NALCN: variants seen among roughly 807,000 people sequenced by gnomAD.
The protein encoded by NALCN is sodium leak channel, non-selective.
In NALCN, 111 loss-of-function variants were observed where a neutral mutation model predicts 225.3. The ratio of observed to expected loss-of-function variants is 0.49; its 90% confidence interval spans 0.42 to 0.58. NALCN has a LOEUF of 0.58. Among genes scored for constraint, NALCN ranks in the 20% least tolerant of loss-of-function variants. The pLI is 0.00. For synonymous variants in NALCN, 764 were observed against 769.0 expected (o/e 0.99, Z 0.11); for missense variants, 1,378 against 2,202.4 (o/e 0.63, Z 7.49).
rs187875775 is a variant in NALCN at position 101,071,367 on chromosome 13, C to G, written c.4197+2217G>C. 3.8e-3 allele frequency among the ~76,000 whole-genome samples: 576 copies of G among 152,336 alleles called. 3 individuals are homozygous for G. The highest frequency in any genetic ancestry group is 5.0e-3 in the Non-Finnish European group (343 of 68,032). On this transcript the variant is annotated intron_variant, in intron 37 of 43. Transcript: ENST00000251127. ...TTCCAATAGAAGGCTGTTTTGTCTA[C>G]ATTGAAAATCCATTGTTTAGTGTAG...
chr13:101,126,190 C>A (rs548388736), intron 17 of NALCN, among the ~76,000 whole-genome samples: 18 of 152,268 alleles, frequency 1.2e-4, no homozygotes, highest in African/African-American at 3.4e-4. Flanking sequence ...TCAAAACTAG[C>A]AATCCACTTT....
intron 13 of NALCN, among the ~76,000 whole-genome samples, chr13:101,214,409 C>T (rs1180338098): frequency 4.6e-5 from 7 of 151,982 alleles, no homozygotes; most frequent in African/African-American, 1.5e-4. Context: ...CAAACCTGCA[C>T]GTTATGCACA....
chr13:101,386,521 A>G (rs1186723489), intron 3 of NALCN, among the ~76,000 whole-genome samples: 2 of 152,170 alleles, frequency 1.3e-5, no homozygotes, highest in African/African-American at 4.8e-5. Context: ...GGGTTTAAGA[A>G]TATAACTCAT....
intron 17 of NALCN, among the ~76,000 whole-genome samples, chr13:101,130,666 T>C (rs763296782): frequency 6.6e-6 from 1 of 152,206 alleles, no homozygotes; most frequent in Non-Finnish European, 1.5e-5. Flanking sequence ...CCTATATATG[T>C]TACTCTATTT....
At chr13:101,220,050 C>T (rs574644103) in intron 13 of NALCN, among the ~76,000 whole-genome samples, 3 of 152,306 alleles carry the variant, frequency 2.0e-5, no homozygotes, top group East Asian at 3.9e-4. Flanking sequence ...CCTCCCCAAG[C>T]CTCCCATGTG....
At chr13:101,330,294 G>A (rs1250122939) in intron 7 of NALCN, among the ~76,000 whole-genome samples, 1 of 152,156 alleles carries the variant, frequency 6.6e-6, no homozygotes, top group African/African-American at 2.4e-5. Flanking sequence ...AGAGCTGTGA[G>A]CAGCAGCTGA....
At chr13:101,164,908 A>C (rs1424776646) in intron 15 of NALCN, among the ~76,000 whole-genome samples, 2 of 152,212 alleles carry the variant, frequency 1.3e-5, no homozygotes, top group African/African-American at 4.8e-5. Context: ...ATCTCTGACC[A>C]AAAGATTGAA....
chr13:101,055,652 G>A (rs903639768), intron 43 of NALCN, among the ~76,000 whole-genome samples, 164 bp from the exon 44 acceptor site: 2 of 151,742 alleles, frequency 1.3e-5, no homozygotes, highest in Non-Finnish European at 2.9e-5. Context: ...TTATGTTCAC[G>A]ATAGATTTTT....
intron 17 of NALCN, among the ~76,000 whole-genome samples, chr13:101,139,618 C>T (rs149395223): frequency 0.011 from 1,609 of 150,576 alleles, 19 homozygotes; most frequent in South Asian, 0.051. Flanking sequence ...TTTTTTTTCA[C>T]GTAGAGTGAA....
chr13:101,244,538 G>A (rs1306993439), intron 11 of NALCN, among the ~76,000 whole-genome samples: 3 of 152,048 alleles, frequency 2.0e-5, no homozygotes, highest in African/African-American at 7.2e-5. Flanking sequence ...GAATCAAATG[G>A]CTTGCTTTGA....
rs749957201 is a variant in NALCN, at chr13:101,377,003, C to T, written c.429G>A (p.Arg143=). 2 of 1,614,156 alleles carry T rather than the reference C, an allele frequency of 1.2e-6. No individual in the cohort carries two copies. Among genetic ancestry groups the T allele is most frequent in the South Asian group, 2.2e-5 (2 of 91,084 alleles). The stretch of plus-strand genomic sequence containing the variant: ...GGATCATAATCAGTGGCCGTGGAAT[C>T]CGCAACATGCCCCAAGGTGACATCT... ...VDQMSPWGML[R]IPRPLIMIRA... is the part of the protein sequence containing the mutation. Residue 143 remains arginine, a synonymous_variant, in exon 5 of 44, where the codon CGG becomes CGA. Coordinates refer to ENST00000251127, the MANE Select transcript of NALCN (RefSeq NM_052867.4).
At chr13:101,310,230 G>A (rs970638254) in intron 7 of NALCN, among the ~76,000 whole-genome samples, 8 of 152,228 alleles carry the variant, frequency 5.3e-5, no homozygotes, top group East Asian at 1.9e-4. Flanking sequence ...ATGCTCCACG[G>A]GCTTTCCATC....
intron 1 of NALCN, among the ~76,000 whole-genome samples, chr13:101,405,487 C>T (rs1030036276): frequency 6.6e-6 from 1 of 152,194 alleles, no homozygotes; most frequent in African/African-American, 2.4e-5. Context: ...GATACCTGCA[C>T]CTCCCTCTGC....
intron 19 of NALCN, 54 bp downstream of exon 19, chr13:101,111,070 CT>C: frequency 6.4e-7 from 1 of 1,553,164 alleles, no homozygotes; most frequent in Non-Finnish European, 8.8e-7. Flanking sequence ...CGACCATTTC[CT>C]GTAAAACCCC....
At chr13:101,392,722 T>C (rs2047180741) in intron 3 of NALCN, among the ~76,000 whole-genome samples, 1 of 152,152 alleles carries the variant, frequency 6.6e-6, no homozygotes, top group Non-Finnish European at 1.5e-5. Flanking sequence ...AAAAGACAAA[T>C]CTTTCTTTAT....
chr13:101,314,347 A>T (rs1455262062), intron 7 of NALCN, among the ~76,000 whole-genome samples: 2 of 152,164 alleles, frequency 1.3e-5, no homozygotes, highest in Non-Finnish European at 2.9e-5. Context: ...GAATGATTAA[A>T]AAAACTGTCA....
chr13:101,312,098 C>T (rs1186021343), intron 7 of NALCN, among the ~76,000 whole-genome samples: 42 of 152,074 alleles, frequency 2.8e-4, no homozygotes, highest in African/African-American at 9.4e-4. Context: ...GGAGGGTGTA[C>T]GTGTCGAGGA....
At chr13:101,101,141 T>C (rs901493274) in intron 26 of NALCN, among the ~76,000 whole-genome samples, 1 of 152,118 alleles carries the variant, frequency 6.6e-6, no homozygotes, top group Non-Finnish European at 1.5e-5. Context: ...TAAGGTATTT[T>C]TGATATGGCT....
intron 7 of NALCN, among the ~76,000 whole-genome samples, chr13:101,332,270 G>A (rs1452905759): frequency 6.6e-6 from 1 of 151,718 alleles, no homozygotes; most frequent in African/African-American, 2.4e-5. Flanking sequence ...TGAGTTCACA[G>A]TAGATAAAAA....
Sources: gnomAD v4.1 joint callset for allele counts (sites outside exome capture counted in the v4.1 genomes callset) on GRCh38, gnomAD v4.1.1 for gene constraint, MANE v1.5 for transcripts, NCBI Gene and HGNC (gene_info 2026-07-23, HGNC 2026-07-21) for gene names.